Variants in ZDHHC11B observed in about 807,000 individuals in gnomAD.
ZDHHC11B encodes the protein probable palmitoyltransferase ZDHHC11B.
Under a neutral mutation model 42.3 loss-of-function variants are expected in ZDHHC11B, and 17 were observed. The ratio of observed to expected loss-of-function variants is 0.40; its 90% CI spans 0.27 to 0.60. ZDHHC11B has a LOEUF of 0.60. Among genes scored for constraint, ZDHHC11B ranks in the 20% least tolerant of loss-of-function variants. The pLI, the probability that ZDHHC11B is intolerant of heterozygous loss-of-function variation, is 0.41. For synonymous variants in ZDHHC11B, 123 were observed against 193.5 expected, an observed-to-expected ratio of 0.64 and a Z score of 3.02; for missense variants, 262 against 463.2, an observed-to-expected ratio of 0.57 and a Z score of 3.99.
intron 1 of ZDHHC11B, among the ~76,000 whole-genome samples, chr5:769,640 A>G (rs1392051319): frequency 1.3e-5 from 2 of 151,784 alleles, no homozygotes; most frequent in East Asian, 3.9e-4. Flanking sequence ...AAGTGATCAC[A>G]CTTTCGTTCA....
chr5:737,420 G>C (rs1743656872), intron 10 of ZDHHC11B, among the ~76,000 whole-genome samples: 1 of 149,374 alleles, frequency 6.7e-6, no homozygotes, highest in African/African-American at 2.5e-5. Context: ...TATTACAAAA[G>C]ATAAGAGGGA....
intron 1 of ZDHHC11B, among the ~76,000 whole-genome samples, chr5:775,115 C>T (rs1736366500): frequency 6.6e-6 from 1 of 151,960 alleles, no homozygotes; most frequent in Non-Finnish European, 1.5e-5. Context: ...AGCCCTCGGC[C>T]CTGCTCAGGC....
chr5:748,474 C>A lies in ZDHHC11B; in HGVS notation c.714G>T (p.Met238Ile). ...CAAGAAGGTCCAGCAGGAGCACGAG[C>A]ATCCTGATGATCACGACTATCAGAG... ...VQTLIVVIIRMLVLLLDLLGL... is the reference protein window; with the variant it reads ...VQTLIVVIIRILVLLLDLLGL... Residue 238 changes from methionine to isoleucine, a missense_variant, in exon 8 of 14, where the codon ATG (methionine) becomes ATT (isoleucine). By Grantham distance (10) the Met-to-Ile change is conservative. Coordinates refer to ENST00000508859, the MANE Select transcript of ZDHHC11B (RefSeq NM_001351303.2). 1 of 1,363,626 alleles carries A rather than the reference C, an allele frequency of 7.3e-7. No homozygotes were observed. The highest frequency in any genetic ancestry group is 1.4e-5 in the African/African-American group (1 of 72,272). 84.5% of individuals were successfully genotyped at this position (1,363,626 alleles called of 1,614,324 possible).
intron 12 of ZDHHC11B, among the ~76,000 whole-genome samples, chr5:719,167 CAA>C (rs1741996710): frequency 6.6e-6 from 1 of 151,864 alleles, no homozygotes; most frequent in East Asian, 1.9e-4. Context: ...CAGCCTTTAA[CAA>C]GAGAAAATCC....
intron 13 of ZDHHC11B, among the ~76,000 whole-genome samples, chr5:716,244 G>C (rs1272163117): frequency 2.0e-5 from 3 of 151,262 alleles, no homozygotes; most frequent in Non-Finnish European, 4.4e-5. Flanking sequence ...TGATGGCAGA[G>C]CATGTCTGGA....
At chr5:719,113 A>G (rs1235776428) in intron 12 of ZDHHC11B, among the ~76,000 whole-genome samples, 2 of 151,810 alleles carry the variant, frequency 1.3e-5, no homozygotes, top group Non-Finnish European at 2.9e-5. Context: ...CAAGAAATAC[A>G]CATTTTGCAA....
At chr5:749,285 C>A (rs1477517558) in intron 7 of ZDHHC11B, among the ~76,000 whole-genome samples, 1 of 130,688 alleles carries the variant, frequency 7.7e-6, no homozygotes, top group African/African-American at 2.5e-5. Flanking sequence ...TCCTCTGTGA[C>A]ACTGGGCTGC....
chr5:726,282 T>C (rs1742601742), intron 12 of ZDHHC11B, among the ~76,000 whole-genome samples: 3 of 151,480 alleles, frequency 2.0e-5, no homozygotes, highest in Non-Finnish European at 4.4e-5. Flanking sequence ...CAGATGTTTG[T>C]AATGTGCGCA....
At chr5:748,736 A>C (rs3817052) in intron 7 of ZDHHC11B, among the ~76,000 whole-genome samples, 177 bp from the exon 8 acceptor site, 9,556 of 126,510 alleles carry the variant, frequency 0.076, 790 homozygotes, top group East Asian at 0.21. Flanking sequence ...GGCCCTGCTG[A>C]CTGAGGTTGG....
rs1736751785 is a variant in ZDHHC11B, at chr5:778,819, C to T, written c.-230+5849G>A. Among the ~76,000 whole-genome samples, 4 of 152,008 alleles carry T rather than the reference C, an allele frequency of 2.6e-5. No individual in the cohort carries two copies. In the South Asian group the frequency reaches 8.3e-4, roughly 32 times the overall value. On this transcript the variant is annotated intron_variant, in intron 1 of 13. Transcript: ENST00000508859. Reference sequence around the variant, plus strand: ...AGAGAAGAGAAGAAGGTGCTACAGGCTGAATTCGTCCCCTCCAAAATCCAC... The same window carrying T: ...AGAGAAGAGAAGAAGGTGCTACAGGTTGAATTCGTCCCCTCCAAAATCCAC...
In ZDHHC11B at chr5:718,243, G is replaced by A. The variant is rs200777062; in HGVS notation, c.1059-1378C>T. ...AAAAATGCAGAGGAAGTTTACCTAAGGACAAAATGGTATTGTAGAAAGCTA... is the reference window on the plus strand; with the variant it reads ...AAAAATGCAGAGGAAGTTTACCTAAAGACAAAATGGTATTGTAGAAAGCTA... On this transcript the variant is annotated intron_variant, in intron 12 of 13. Coordinates refer to ENST00000508859, the MANE Select transcript of ZDHHC11B (RefSeq NM_001351303.2). Among the ~76,000 whole-genome samples, 19 of 151,742 alleles carry A rather than the reference G, an allele frequency of 1.3e-4. 1 individual carries two copies. The highest frequency in any genetic ancestry group is 3.6e-4 in the African/African-American group (15 of 41,186).
intron 4 of ZDHHC11B, among the ~76,000 whole-genome samples, chr5:756,870 T>G (rs1411119963): frequency 1.3e-5 from 2 of 151,500 alleles, no homozygotes; most frequent in Non-Finnish European, 3.0e-5. Flanking sequence ...CCTAGACTCA[T>G]TCAGGGACCC....
intron 11 of ZDHHC11B, among the ~76,000 whole-genome samples, chr5:733,104 G>A (rs974514495): frequency 1.3e-5 from 2 of 151,300 alleles, no homozygotes; most frequent in African/African-American, 4.9e-5. Flanking sequence ...GCTGACCCCA[G>A]AGCAGGAACA....
intron 1 of ZDHHC11B, among the ~76,000 whole-genome samples, chr5:778,398 G>A (rs375589567): frequency 2.6e-4 from 39 of 150,592 alleles, no homozygotes; most frequent in South Asian, 1.5e-3. Flanking sequence ...GGACACAGCC[G>A]CGGCTCTCAA....
chr5:765,764 A>G (rs556471912), intron 4 of ZDHHC11B, among the ~76,000 whole-genome samples: 1 of 152,034 alleles, frequency 6.6e-6, no homozygotes, highest in East Asian at 1.9e-4. Flanking sequence ...AACCACCAGA[A>G]GGAAGAAATT....
intron 1 of ZDHHC11B, among the ~76,000 whole-genome samples, chr5:770,455 T>C (rs1290938691): frequency 6.7e-6 from 1 of 150,188 alleles, no homozygotes; most frequent in Non-Finnish European, 1.5e-5. Context: ...GGAGGCTCAG[T>C]GTGTGACTGG....
chr5:758,127 C>A (rs867171385), intron 4 of ZDHHC11B, among the ~76,000 whole-genome samples: 4 of 151,846 alleles, frequency 2.6e-5, no homozygotes, highest in Non-Finnish European at 4.4e-5. Context: ...GGGGACACTG[C>A]ACTATTTATG....
Position 726,221 on chromosome 5 carries a change from C to T in ZDHHC11B, c.1058+4213G>A, listed in dbSNP as rs1026300377. ...CAGGCTCTTAGTGAATGGACTTTCCCCGTGTGGCAAAGCGTGACATGATTT... is the reference window on the plus strand; with the variant it reads ...CAGGCTCTTAGTGAATGGACTTTCCTCGTGTGGCAAAGCGTGACATGATTT... On this transcript the variant is annotated intron_variant, in intron 12 of 13. Coordinates refer to ENST00000508859, the MANE Select transcript of ZDHHC11B (RefSeq NM_001351303.2). Among the ~76,000 whole-genome samples the T allele has an allele frequency of 2.6e-5, 4 of 151,654 alleles. 1 individual carries two copies. The highest frequency in any genetic ancestry group is 9.7e-5 in the African/African-American group (4 of 41,106).
intron 3 of ZDHHC11B, 146 bp from the exon 4 acceptor site, chr5:767,065 T>A: frequency 9.5e-7 from 1 of 1,047,580 alleles, no homozygotes; most frequent in Non-Finnish European, 1.4e-6. Flanking sequence ...TGGGGCCACG[T>A]TCCCCGCAGA....
Sources: gnomAD v4.1 joint callset for allele counts (sites outside exome capture counted in the v4.1 genomes callset) on GRCh38, gnomAD v4.1.1 for gene constraint, MANE v1.5 for transcripts, NCBI Gene and HGNC (gene_info 2026-07-23, HGNC 2026-07-21) for gene names.